The following ARL15 variants were observed in gnomAD, a reference collection of about 807,000 sequenced individuals.
The protein encoded by ARL15 is ARF like GTPase 15, also known as ADP-ribosylation factor-like protein 15.
ARL15 carries 19 observed loss-of-function variants against 25.2 expected under a neutral mutation model. That is an observed-to-expected ratio of 0.75 (90% CI 0.53 to 1.10). The LOEUF is 1.10. Ranked by LOEUF, ARL15 falls within the 50% of genes least tolerant of loss-of-function variation. ARL15 has a pLI of 0.00. For missense variants in ARL15, 220 were observed against 246.0 expected (o/e 0.89, Z 0.71); for synonymous variants, 94 against 86.8 (o/e 1.08, Z -0.46).
chr5:54,145,187 C>T (rs748418473), intron 3 of ARL15, among the ~76,000 whole-genome samples: 6 of 152,012 alleles, frequency 3.9e-5, no homozygotes, highest in Non-Finnish European at 8.8e-5. Flanking sequence ...ATGTACGTTG[C>T]TTAAATTTAA....
intron 4 of ARL15, among the ~76,000 whole-genome samples, chr5:54,052,804 A>G (rs1442912273): frequency 6.6e-6 from 1 of 152,138 alleles, no homozygotes; most frequent in East Asian, 1.9e-4. Context: ...TCTAGAAGCA[A>G]TAATACCCCA....
At chr5:54,007,636 G>A (rs539991606) in intron 4 of ARL15, among the ~76,000 whole-genome samples, 4 of 152,180 alleles carry the variant, frequency 2.6e-5, no homozygotes, top group South Asian at 4.2e-4. Context: ...GTAAAACCCC[G>A]TCTCTACTAA....
At chr5:54,016,761 A>G (rs554754340) in intron 4 of ARL15, among the ~76,000 whole-genome samples, 1 of 152,334 alleles carries the variant, frequency 6.6e-6, no homozygotes, top group South Asian at 2.1e-4. Context: ...TCCTCATGCT[A>G]CATTTTACAT....
At chr5:54,274,937 C>T (rs1360134715) in intron 1 of ARL15, among the ~76,000 whole-genome samples, 1 of 152,168 alleles carries the variant, frequency 6.6e-6, no homozygotes, top group African/African-American at 2.4e-5. Context: ...TTATAAAACA[C>T]ATAACCCCTC....
At chr5:53,891,203 G>T (rs1744695957) in intron 4 of ARL15, among the ~76,000 whole-genome samples, 1 of 152,120 alleles carries the variant, frequency 6.6e-6, no homozygotes, top group Non-Finnish European at 1.5e-5. Context: ...GCCCAGAGTT[G>T]AACTAGTTTT....
intron 1 of ARL15, among the ~76,000 whole-genome samples, chr5:54,237,150 T>TGTTCTCGTGATAGTGAATA (rs1756831818): frequency 6.6e-6 from 1 of 152,220 alleles, no homozygotes; most frequent in East Asian, 1.9e-4. Context: ...TTCCCCCAGC[T>TGTTCTCGTGATAGTGAATA]GTTCTCGTGA....
chr5:54,236,840 G>C (rs1579938713), intron 1 of ARL15, among the ~76,000 whole-genome samples: 1 of 152,272 alleles, frequency 6.6e-6, no homozygotes, highest in Middle Eastern at 3.4e-3. Context: ...TGTCCCACCA[G>C]AGCATGCTGA....
chr5:54,063,303 T>C (rs1374257005), intron 4 of ARL15, among the ~76,000 whole-genome samples: 1 of 152,156 alleles, frequency 6.6e-6, no homozygotes, highest in African/African-American at 2.4e-5. Context: ...GATTCTGCAG[T>C]TGGTTTTCAC....
At chr5:54,253,897 T>C (rs1160345407) in intron 1 of ARL15, among the ~76,000 whole-genome samples, 1 of 152,182 alleles carries the variant, frequency 6.6e-6, no homozygotes, top group Non-Finnish European at 1.5e-5. Context: ...GCCCAGATGA[T>C]ACATTATAAG....
chr5:53,900,055 T>A (rs1246435769), intron 4 of ARL15, among the ~76,000 whole-genome samples: 1 of 152,182 alleles, frequency 6.6e-6, no homozygotes, highest in African/African-American at 2.4e-5. Flanking sequence ...TGAAGAGGCC[T>A]GTGGTTGACA....
At position 54,310,435 on chromosome 5, in the gene ARL15, A is replaced by G; in HGVS notation, c.45T>C (p.Tyr15=). Residue 15 remains tyrosine (Y), a synonymous_variant, in exon 1 of 5, where the codon TAT becomes TAC. Transcript: ENST00000504924. ...GCCACCCCTGCCCTGCACCTACCAGATAATCCATGTACAGAAACGCCTCAG... is the reference window on the plus strand; with the variant it reads ...GCCACCCCTGCCCTGCACCTACCAGGTAATCCATGTACAGAAACGCCTCAG... ...RITEAFLYMD[Y]LCFRALCCKG... 1 of 1,610,352 alleles carries G rather than the reference A, an allele frequency of 6.2e-7. No homozygotes were observed. Among genetic ancestry groups the G allele is most frequent in the Non-Finnish European group, 8.5e-7 (1 of 1,178,442 alleles).
rs182830865 is a variant in ARL15, at chr5:53,945,754, T to C, written c.463-59041A>G. On this transcript the variant is annotated intron_variant, in intron 4 of 4. Transcript: ENST00000504924. ...AACTTGAAATATATGGCCATTGCTA[T>C]TAAATGTAAAGTCAAGTAAATTTAT... Among the ~76,000 whole-genome samples the C allele has an allele frequency of 3.1e-3, 476 of 152,308 alleles. 2 individuals are homozygous for C. The highest frequency in any genetic ancestry group is 0.024 in the Middle Eastern group (7 of 294).
chr5:54,009,595 T>C (rs966074489), intron 4 of ARL15, among the ~76,000 whole-genome samples: 1 of 152,196 alleles, frequency 6.6e-6, no homozygotes, highest in African/African-American at 2.4e-5. Context: ...CTGCGAATAT[T>C]GTGCACAAAC....
Position 54,156,526 on chromosome 5 carries a change from G to A in ARL15, c.194-1887C>T, listed in dbSNP as rs1754238530. ...CATTAGGTATACATATTTTCTGCCT[G>A]CCTGAATATAATTACAAACTTGATT... On this transcript the variant is annotated intron_variant, in intron 2 of 4. Coordinates refer to ENST00000504924, the MANE Select transcript of ARL15 (RefSeq NM_019087.3). Among the ~76,000 whole-genome samples, 5 of 152,290 alleles carry A rather than the reference G, an allele frequency of 3.3e-5. No homozygotes were observed. The South Asian group carries it at 1.0e-3, about 32-fold the overall frequency.
intron 1 of ARL15, among the ~76,000 whole-genome samples, chr5:54,303,191 C>A (rs182333570): frequency 6.6e-6 from 1 of 151,794 alleles, no homozygotes; most frequent in Admixed American, 6.6e-5. Flanking sequence ...CCAGGCAGTG[C>A]GTGGCAAAAG....
chr5:54,127,281 C>A (rs1246919661), intron 3 of ARL15, among the ~76,000 whole-genome samples: 1 of 152,054 alleles, frequency 6.6e-6, no homozygotes, highest in East Asian at 1.9e-4. Flanking sequence ...CTTTGCTATT[C>A]CCAAAATCTC....
intron 1 of ARL15, among the ~76,000 whole-genome samples, chr5:54,278,434 T>G (rs1258871587): frequency 6.6e-6 from 1 of 152,174 alleles, no homozygotes; most frequent in Non-Finnish European, 1.5e-5. Context: ...CAAATGAATG[T>G]TGCTTAAGAT....
intron 4 of ARL15, among the ~76,000 whole-genome samples, chr5:54,019,322 T>C (rs959137128): frequency 1.3e-5 from 2 of 152,192 alleles, no homozygotes; most frequent in African/African-American, 4.8e-5. Flanking sequence ...TCCATTTGCT[T>C]TGAGATAAGG....
chr5:54,057,185 A>G (rs1750903981), intron 4 of ARL15, among the ~76,000 whole-genome samples: 1 of 152,222 alleles, frequency 6.6e-6, no homozygotes, highest in South Asian at 2.1e-4. Flanking sequence ...AATGTAGGAT[A>G]TTTAGGAATA....
Sources: gnomAD v4.1 joint callset for allele counts (sites outside exome capture counted in the v4.1 genomes callset) on GRCh38, gnomAD v4.1.1 for gene constraint, MANE v1.5 for transcripts, NCBI Gene and HGNC (gene_info 2026-07-23, HGNC 2026-07-21) for gene names.